Variants in CACNG7 observed in about 807,000 individuals in gnomAD.
The protein encoded by CACNG7 is voltage-dependent calcium channel gamma-7 subunit.
CACNG7 carries 9 observed loss-of-function variants against 26.3 expected under a neutral mutation model. The observed-to-expected ratio is 0.34, with a 90% CI of 0.21 to 0.60. The LOEUF (loss-of-function observed/expected upper bound fraction) is 0.60, where lower values mean the gene tolerates loss of function less well. CACNG7 is among the 20% of genes least tolerant of loss of function. The pLI is 0.81. For missense variants in CACNG7, 297 were observed against 380.4 expected, an observed-to-expected ratio of 0.78 and a Z score of 1.82; for synonymous variants, 170 against 157.0, an observed-to-expected ratio of 1.08 and a Z score of -0.62.
At position 53,912,646 on chromosome 19, in the gene CACNG7, A is replaced by C; in HGVS notation, c.-29-157A>C. 1 of 590,404 alleles carries C rather than the reference A, an allele frequency of 1.7e-6. No homozygotes were observed. The highest frequency in any genetic ancestry group is 3.0e-6 in the Non-Finnish European group (1 of 335,088). 36.6% of individuals were successfully genotyped at this position (590,404 alleles called of 1,614,324 possible). ...CAGTTGGTGTCTCTGGTCAGACTCTAGGGTTGGGGTCATGGGTCAGGCCAC... is the reference window on the plus strand; with the variant it reads ...CAGTTGGTGTCTCTGGTCAGACTCTCGGGTTGGGGTCATGGGTCAGGCCAC... On this transcript the variant is annotated intron_variant, in intron 1 of 5. Transcript: ENST00000391767. This position sits in a 1 kb window ranked among gnomAD's most constrained non-coding sequence, Gnocchi z 4.6.
At chr19:53,930,935 G>A (rs1820828997) in intron 4 of CACNG7, among the ~76,000 whole-genome samples, 1 of 152,104 alleles carries the variant, frequency 6.6e-6, no homozygotes, top group African/African-American at 2.4e-5. Context: ...CTAAGGGTCG[G>A]GTGCTGTGGC....
Position 53,912,601 on chromosome 19 carries a change from G to T in CACNG7, c.-29-202G>T. 1 of 530,348 alleles carries T rather than the reference G, an allele frequency of 1.9e-6. No homozygotes were observed. The highest frequency in any genetic ancestry group is 2.5e-5 in the South Asian group (1 of 40,182). 32.9% of individuals were successfully genotyped at this position (530,348 alleles called of 1,614,324 possible). A position where few individuals can be genotyped will look rare whatever the true frequency, so the allele number is the denominator to read the frequency against. ...ACAGGCAGCAGGTTTGGGGAGCCCA[G>T]CCCTGAGGCTGAGGCTCAACAGTTG... On this transcript the variant is annotated intron_variant, in intron 1 of 5. Coordinates refer to ENST00000391767, the MANE Select transcript of CACNG7 (RefSeq NM_031896.5). The surrounding 1 kb of genome is among the most constrained non-coding windows in gnomAD (Gnocchi z 4.6).
chr19:53,938,383 A>G (rs576832041), intron 4 of CACNG7, among the ~76,000 whole-genome samples: 1 of 152,214 alleles, frequency 6.6e-6, no homozygotes, highest in South Asian at 2.1e-4. Context: ...AGGTGGTCTA[A>G]GAAAAAGAAA....
chr19:53,915,481 T>C lies in CACNG7; in HGVS notation c.400T>C (p.Ser134Pro), dbSNP rs1301778389. The change falls in exon 4 of 6, where the codon TCT becomes CCT. Residue 134 changes from serine to proline, a missense_variant. Ser to Pro is a moderately conservative substitution (Grantham distance 74, BLOSUM62 -1). Transcript: ENST00000391767. ...GCAGAGGACCATTCTGGCTTTTGTC[T>C]CTGGCATCTTCTTCATACTATCGGG... is the stretch of plus-strand genomic sequence containing the variant. ...RPQRTILAFV[S>P]GIFFILSGLS... is the part of the protein sequence containing the mutation. 6.2e-7 allele frequency: 1 copy of C among 1,614,162 alleles called. No individual in the cohort carries two copies. The highest frequency in any genetic ancestry group is 1.7e-5 in the Admixed American group (1 of 60,014).
chr19:53,913,753 C>T (rs557140044), intron 2 of CACNG7, among the ~76,000 whole-genome samples: 2 of 140,174 alleles, frequency 1.4e-5, no homozygotes, highest in Non-Finnish European at 3.0e-5. Context: ...TGCTGTACTC[C>T]AACCTGGGTG....
chr19:53,923,274 C>G (rs74180745), intron 4 of CACNG7, among the ~76,000 whole-genome samples: 50 of 63,164 alleles, frequency 7.9e-4, no homozygotes, highest in South Asian at 2.1e-3. Flanking sequence ...GTCATTGGTG[C>G]AGTTGCCCCA....
chr19:53,940,570 C>T lies in CACNG7; in HGVS notation c.425-900C>T, dbSNP rs959102672. Among the ~76,000 whole-genome samples, 2 of 152,118 alleles carry T rather than the reference C, an allele frequency of 1.3e-5. No individual in the cohort carries two copies. The highest frequency in any genetic ancestry group is 2.9e-5 in the Non-Finnish European group (2 of 68,030). ...TTGTGTAGCTCCCTAGCACCCTTGG[C>T]GTCAACACCCAGCTCCTGGGCCCGG... On this transcript the variant is annotated intron_variant, in intron 4 of 5. Coordinates refer to ENST00000391767, the MANE Select transcript of CACNG7 (RefSeq NM_031896.5). The surrounding 1 kb of genome is among the most constrained non-coding windows in gnomAD (Gnocchi z 4.1).
intron 4 of CACNG7, among the ~76,000 whole-genome samples, chr19:53,923,828 G>T: frequency 7.5e-6 from 1 of 133,752 alleles, no homozygotes; most frequent in Non-Finnish European, 1.6e-5. Flanking sequence ...CCCCAGGTCT[G>T]GTCATTGGTG....
rs756221198 is a variant in CACNG7 at position 53,936,431 on chromosome 19, C to T, written c.425-5039C>T. Reference sequence around the variant, plus strand: ...GTCATCCAGCAATCGAGCATCCCCTCGTGACTCTTGCCTGAATCTAACATT... The same window carrying T: ...GTCATCCAGCAATCGAGCATCCCCTTGTGACTCTTGCCTGAATCTAACATT... On this transcript the variant is annotated intron_variant, in intron 4 of 5. Transcript: ENST00000391767. 3.3e-5 allele frequency among the ~76,000 whole-genome samples: 5 copies of T among 152,268 alleles called. No individual in the cohort carries two copies. The Middle Eastern group carries it at 0.01, about 311-fold the overall frequency.
chr19:53,926,689 G>C (rs1165737148), intron 4 of CACNG7, among the ~76,000 whole-genome samples: 2 of 152,108 alleles, frequency 1.3e-5, no homozygotes, highest in East Asian at 3.9e-4. Flanking sequence ...AAGGTGGGTG[G>C]ATCACTTGAG....
intron 4 of CACNG7, among the ~76,000 whole-genome samples, chr19:53,925,850 C>T (rs2145911581): frequency 6.6e-6 from 1 of 152,204 alleles, no homozygotes; most frequent in African/African-American, 2.4e-5. Flanking sequence ...ATTGGATGGC[C>T]ATGTGAGAGA....
rs1039440829 is a variant in CACNG7, at chr19:53,929,914, T to A, written c.425-11556T>A. 7.2e-5 allele frequency among the ~76,000 whole-genome samples: 11 copies of A among 152,260 alleles called. No homozygotes were observed. In the East Asian group the frequency reaches 2.1e-3, roughly 29 times the overall value. On this transcript the variant is annotated intron_variant, in intron 4 of 5. Transcript: ENST00000391767. ...AGCTGCATAGCAAGTATGTTCTTCA[T>A]CCATTCAAAGAGAATTGACTACTTG...
At position 53,939,490 on chromosome 19, in the gene CACNG7, G is replaced by A. The variant is rs1431415545; in HGVS notation, c.425-1980G>A. Among the ~76,000 whole-genome samples the A allele has an allele frequency of 6.6e-6, 1 of 152,012 alleles. No individual in the cohort carries two copies. The highest frequency in any genetic ancestry group is 1.9e-4 in the East Asian group (1 of 5,182). On this transcript the variant is annotated intron_variant, in intron 4 of 5. Transcript: ENST00000391767. This position sits in a 1 kb window ranked among gnomAD's most constrained non-coding sequence, Gnocchi z 4.2. ...CACTAATCTACTTTCTGTCTCTGTG[G>A]ATTTGCCTATTCTGGACATTGCATA...
rs1286386417 is a variant in CACNG7, at chr19:53,939,608, C to T, written c.425-1862C>T. ...CCTATGGTAGCATGAATCAGTATAT[C>T]GTTCCCTTTTTTGGCTGAATAGTAT... On this transcript the variant is annotated intron_variant, in intron 4 of 5. Transcript: ENST00000391767. The surrounding 1 kb of genome is among the most constrained non-coding windows in gnomAD (Gnocchi z 4.2). Among the ~76,000 whole-genome samples, 1 of 152,188 alleles carries T rather than the reference C, an allele frequency of 6.6e-6. No homozygotes were observed. Among genetic ancestry groups the T allele is most frequent in the African/African-American group, 2.4e-5 (1 of 41,440 alleles).
chr19:53,929,649 G>GA (rs2069058220), intron 4 of CACNG7, among the ~76,000 whole-genome samples: 1 of 151,966 alleles, frequency 6.6e-6, no homozygotes, highest in Non-Finnish European at 1.5e-5. Context: ...TAGACAGAGG[G>GA]TTTCACCATG....
chr19:53,936,929 A>G (rs934570137), intron 4 of CACNG7, among the ~76,000 whole-genome samples: 2 of 151,892 alleles, frequency 1.3e-5, no homozygotes, highest in Non-Finnish European at 2.9e-5. Flanking sequence ...GAGTTTTTTG[A>G]GACAGTCTCC....
rs141913432 is a variant in CACNG7 at position 53,925,153 on chromosome 19, C to G, written c.424+9648C>G. Among the ~76,000 whole-genome samples, 286 of 89,002 alleles carry G rather than the reference C, an allele frequency of 3.2e-3. 2 individuals are homozygous for G. Among genetic ancestry groups the G allele is most frequent in the African/African-American group, 0.018 (247 of 13,672 alleles). 58.4% of individuals were successfully genotyped at this position (89,002 alleles called of 152,430 possible). ...TTGCCTAGGGCTGGTCATTGGTGGA[C>G]TTGCCCCAGGTCTGGTCATTGGTGA... On this transcript the variant is annotated intron_variant, in intron 4 of 5. Transcript: ENST00000391767.
At chr19:53,925,261 T>C (rs1367255990) in intron 4 of CACNG7, among the ~76,000 whole-genome samples, 6 of 144,072 alleles carry the variant, frequency 4.2e-5, no homozygotes, top group East Asian at 2.1e-4. Context: ...ATTGGTGGAG[T>C]TGCCCCAGGT....
chr19:53,914,979 G>A (rs997524891), intron 3 of CACNG7, among the ~76,000 whole-genome samples: 1 of 150,188 alleles, frequency 6.7e-6, no homozygotes, highest in Non-Finnish European at 1.5e-5. Context: ...TCCAGCCTGG[G>A]CAACTCACAG....
Sources: gnomAD v4.1 joint callset for allele counts (sites outside exome capture counted in the v4.1 genomes callset) on GRCh38, gnomAD v4.1.1 for gene constraint, Gnocchi (gnomAD v3.1) non-coding constraint, MANE v1.5 for transcripts, NCBI Gene and HGNC (gene_info 2026-07-23, HGNC 2026-07-21) for gene names.